Variants in WDPCP observed in about 807,000 individuals in gnomAD.
WDPCP encodes WD repeat-containing and planar cell polarity effector protein fritz homolog.
Under a neutral mutation model 93.1 loss-of-function variants are expected in WDPCP, and 71 were observed. The ratio of observed to expected loss-of-function variants is 0.76; its 90% CI spans 0.63 to 0.93. The LOEUF is 0.93. Among genes scored for constraint, WDPCP ranks in the 40% least tolerant of loss-of-function variants. The pLI, the probability that WDPCP is intolerant of heterozygous loss-of-function variation, is 0.00. For missense variants in WDPCP, 844 were observed against 887.4 expected (o/e 0.95, Z 0.62); for synonymous variants, 315 against 315.0 (o/e 1.00, Z 0.00).
intron 13 of WDPCP, among the ~76,000 whole-genome samples, chr2:63,262,333 T>G (rs1316617932): frequency 6.6e-6 from 1 of 151,966 alleles, no homozygotes; most frequent in Non-Finnish European, 1.5e-5. Flanking sequence ...CATACACATG[T>G]TTATACCTAG....
intron 6 of WDPCP, among the ~76,000 whole-genome samples, chr2:63,448,978 T>C (rs1484361137): frequency 1.2e-4 from 19 of 152,216 alleles, no homozygotes; most frequent in Non-Finnish European, 5.9e-5. Flanking sequence ...TGTTGTATAT[T>C]TCAAAATGGC....
At position 63,705,215 on chromosome 2, in the gene WDPCP, G is replaced by A. The variant is rs574720673; in HGVS notation, n.309-54377C>T. Reference sequence around the variant, plus strand: ...TTCTTCTTTATTAGTCTTGCTAGCAGTCTATCAATTTTGTTAATCTTTTCA... The same window carrying A: ...TTCTTCTTTATTAGTCTTGCTAGCAATCTATCAATTTTGTTAATCTTTTCA... On this transcript the variant is annotated intron_variant and non_coding_transcript_variant, in intron 2 of 4. Transcript: ENST00000467687. 3.3e-5 allele frequency among the ~76,000 whole-genome samples: 5 copies of A among 152,244 alleles called. No individual in the cohort carries two copies. The South Asian group carries it at 1.0e-3, about 32-fold the overall frequency.
In WDPCP at chr2:63,693,789, T is replaced by A. The variant is rs182974972; in HGVS notation, n.309-42951A>T. Among the ~76,000 whole-genome samples, 18 of 152,326 alleles carry A rather than the reference T, an allele frequency of 1.2e-4. No homozygotes were observed. The East Asian group carries it at 3.3e-3, about 28-fold the overall frequency. ...CATTCCTGGGAGCTCATTTAGCTGC[T>A]AAAGTCATTATTGCATTTGCTGTAG... On this transcript the variant is annotated intron_variant and non_coding_transcript_variant, in intron 2 of 4. Transcript: ENST00000467687.
At chr2:63,454,181 A>C (rs1352899261) in intron 6 of WDPCP, among the ~76,000 whole-genome samples, 3 of 151,958 alleles carry the variant, frequency 2.0e-5, no homozygotes, top group East Asian at 3.9e-4. Context: ...AGCCATAAAA[A>C]AGGAGGAGTT....
chr2:63,305,672 G>A (rs1685676906), intron 13 of WDPCP, among the ~76,000 whole-genome samples: 1 of 152,130 alleles, frequency 6.6e-6, no homozygotes, highest in Non-Finnish European at 1.5e-5. Flanking sequence ...ACAGCTCCTT[G>A]CCAGCAAGGG....
chr2:63,337,593 T>C (rs752093386), intron 12 of WDPCP, among the ~76,000 whole-genome samples: 12 of 152,210 alleles, frequency 7.9e-5, no homozygotes, highest in Non-Finnish European at 1.3e-4. Flanking sequence ...CTGTTCTTCA[T>C]AGTGGCTATA....
At chr2:63,677,879 T>G (rs1412813250) in intron 2 of WDPCP, among the ~76,000 whole-genome samples, 2 of 152,194 alleles carry the variant, frequency 1.3e-5, no homozygotes, top group African/African-American at 4.8e-5. Context: ...TAAATCTACA[T>G]GAATATTGCC....
intron 1 of WDPCP, among the ~76,000 whole-genome samples, chr2:63,527,961 T>C (rs1457537608): frequency 1.3e-5 from 2 of 152,098 alleles, no homozygotes; most frequent in Non-Finnish European, 2.9e-5. Context: ...TGCATTTCTC[T>C]GATGGCCAGT....
At chr2:63,592,807 T>G (rs980873508), upstream of WDPCP, among the ~76,000 whole-genome samples, 7 of 152,270 alleles carry the variant, frequency 4.6e-5, no homozygotes, top group East Asian at 1.2e-3. Flanking sequence ...AGGACAGGTG[T>G]TGTTCTAGGC....
intron 3 of WDPCP, among the ~76,000 whole-genome samples, chr2:63,620,821 G>C (rs1345381683): frequency 1.3e-5 from 2 of 152,194 alleles, no homozygotes; most frequent in Non-Finnish European, 2.9e-5. Flanking sequence ...CCAGAGGTAG[G>C]AACAGGCAGC....
intron 13 of WDPCP, among the ~76,000 whole-genome samples, chr2:63,286,793 A>ACCTTTAACTATTTC (rs1426214717): frequency 6.6e-6 from 1 of 152,188 alleles, no homozygotes; most frequent in Non-Finnish European, 1.5e-5. Flanking sequence ...TTCTTACCAT[A>ACCTTTAACTATTTC]CCTTTAACTA....
intron 1 of WDPCP, among the ~76,000 whole-genome samples, chr2:63,819,599 A>G (rs4072113): frequency 0.22 from 33,458 of 152,126 alleles, 5,042 homozygotes; most frequent in East Asian, 0.76. Flanking sequence ...GCAGTAAGAC[A>G]TGAGAATTTG....
intron 12 of WDPCP, among the ~76,000 whole-genome samples, chr2:63,335,776 C>T (rs966172194): frequency 6.6e-6 from 1 of 152,146 alleles, no homozygotes; most frequent in South Asian, 2.1e-4. Flanking sequence ...ACCTACTGGG[C>T]TGCAACCCAG....
At chr2:63,442,446 A>G (rs1697562298) in intron 6 of WDPCP, 1 of 152,208 alleles carries the variant, frequency 6.6e-6, no homozygotes, top group Admixed American at 6.5e-5. Context: ...GGCATAGATT[A>G]GTTATCTAAC....
chr2:63,263,587 A>C (rs2699395), intron 13 of WDPCP, among the ~76,000 whole-genome samples: 1 of 152,124 alleles, frequency 6.6e-6, no homozygotes, highest in South Asian at 2.1e-4. Flanking sequence ...TGTTTTCTTT[A>C]TAAATTACCC....
chr2:63,268,689 C>T (rs1682368514), intron 13 of WDPCP, among the ~76,000 whole-genome samples: 1 of 151,160 alleles, frequency 6.6e-6, no homozygotes, highest in Non-Finnish European at 1.5e-5. Flanking sequence ...CCATGTTGCC[C>T]AGGCTGGTTT....
chr2:63,304,135 GGC>G (rs1182412585), intron 13 of WDPCP, among the ~76,000 whole-genome samples: 3 of 151,986 alleles, frequency 2.0e-5, no homozygotes, highest in African/African-American at 7.3e-5. Context: ...CCCACAACTG[GGC>G]ATCTACCCAA....
At chr2:63,424,154 C>T (rs1224894509) in intron 9 of WDPCP, among the ~76,000 whole-genome samples, 1 of 151,698 alleles carries the variant, frequency 6.6e-6, no homozygotes, top group Non-Finnish European at 1.5e-5. Context: ...TCCCACAACC[C>T]CCATACACGT....
intron 15 of WDPCP, chr2:63,168,601 A>C (rs995777022): frequency 6.6e-6 from 1 of 152,032 alleles, no homozygotes; most frequent in Non-Finnish European, 1.5e-5. Context: ...TTTCTCTCTG[A>C]GGTATGTGTT....
Sources: allele counts gnomAD v4.1 joint callset (sites outside exome capture counted in the v4.1 genomes callset), GRCh38; gene constraint gnomAD v4.1.1; transcripts MANE v1.5; gene names NCBI Gene and HGNC (gene_info 2026-07-23, HGNC 2026-07-21).